Variants in WDR31 observed in about 807,000 individuals in gnomAD.
WDR31 encodes WD repeat domain 31.
In WDR31, 30 loss-of-function variants were observed where a neutral mutation model predicts 47.3. The ratio of observed to expected loss-of-function variants is 0.63; its 90% CI spans 0.47 to 0.86. The LOEUF is 0.86. Among genes scored for constraint, WDR31 ranks in the 40% least tolerant of loss-of-function variants. The pLI is 0.00. For missense variants in WDR31, 406 were observed against 442.9 expected (o/e 0.92, Z 0.75); for synonymous variants, 137 against 159.4 (o/e 0.86, Z 1.06).
At chr9:113,322,722 T>G (rs533563491) in intron 7 of WDR31, 89 bp downstream of exon 7, 2 of 1,348,778 alleles carry the variant, frequency 1.5e-6, no homozygotes, top group South Asian at 2.7e-5. Context: ...TAATTTCTGC[T>G]CATGGGCCTC....
chr9:113,318,880 T>C lies in WDR31; in HGVS notation c.781-243A>G, dbSNP rs1488581631. ...AACAACCCTGGTTAAGAATGTGTCA[T>C]ATGAGTTTTTGCCTTTTTAGTGGTT... On this transcript the variant is annotated intron_variant, in intron 9 of 10. Coordinates refer to ENST00000374193, the MANE Select transcript of WDR31 (RefSeq NM_001012361.4). Among the ~76,000 whole-genome samples the C allele has an allele frequency of 3.9e-5, 6 of 152,326 alleles. No homozygotes were observed. In the South Asian group the frequency reaches 6.2e-4, roughly 16 times the overall value.
chr9:113,331,020 C>G lies in WDR31; in HGVS notation c.213G>C (p.Leu71Phe). The change falls in exon 4 of 11, where the codon TTG becomes TTC. Residue 71 changes from leucine (L) to phenylalanine (F), a missense_variant. By Grantham distance (22) the Leu-to-Phe change is conservative. Coordinates refer to ENST00000374193, the MANE Select transcript of WDR31 (RefSeq NM_001012361.4). ...HMDTVSVVAA[L>F]NSDLCVSGGK... The stretch of plus-strand genomic sequence containing the variant: ...CTCCAGAGACACAAAGGTCTGAGTT[C>G]AAAGCAGCCACGACAGAGACGGTAT... 1 of 1,612,104 alleles carries G rather than the reference C, an allele frequency of 6.2e-7. No individual in the cohort carries two copies. Among genetic ancestry groups the G allele is most frequent in the Non-Finnish European group, 8.5e-7 (1 of 1,178,488 alleles).
chr9:113,333,470 C>T lies in WDR31; in HGVS notation c.-28-1420G>A, dbSNP rs577974206. Among the ~76,000 whole-genome samples the T allele has an allele frequency of 5.8e-3, 864 of 149,448 alleles. 9 individuals carry two copies. Among genetic ancestry groups the T allele is most frequent in the African/African-American group, 0.019 (771 of 40,812 alleles). ...AATCTCGGCTCACTGCAAGCTCCGC[C>T]TCCCAGGTTCACGCCATTCTCCTGC... On this transcript the variant is annotated intron_variant, in intron 2 of 10. Transcript: ENST00000374193.
intron 5 of WDR31, among the ~76,000 whole-genome samples, chr9:113,325,463 T>C (rs10981733): frequency 0.17 from 25,714 of 152,026 alleles, 2,994 homozygotes; most frequent in African/African-American, 0.33. Flanking sequence ...GTATATTTGT[T>C]TTTAGAGTTA....
At chr9:113,329,648 G>C (rs1207161411) in intron 4 of WDR31, among the ~76,000 whole-genome samples, 1 of 151,376 alleles carries the variant, frequency 6.6e-6, no homozygotes, top group Non-Finnish European at 1.5e-5. Context: ...ATACTTCGAT[G>C]CATCCTGATT....
rs943516252 is a variant in WDR31, at chr9:113,314,898, G to C, written c.*1851C>G. 1 of 152,284 alleles carries C rather than the reference G, an allele frequency of 6.6e-6. No homozygotes were observed. The highest frequency in any genetic ancestry group is 1.9e-4 in the East Asian group (1 of 5,164). 9.4% of individuals were successfully genotyped at this position (152,284 alleles called of 1,614,324 possible). On this transcript the variant is annotated 3_prime_UTR_variant, in exon 11 of 11. Coordinates refer to ENST00000374193, the MANE Select transcript of WDR31 (RefSeq NM_001012361.4). ...CCCAAAGTGCTGGGATTACAGGTTT[G>C]AGCCACTGCGCCTGGCCTTTCCTGG... is the stretch of plus-strand genomic sequence containing the variant.
chr9:113,320,340 C>T lies in WDR31; in HGVS notation c.780+17G>A. ...TTCATCAGCAACCAGATACCTGGAC[C>T]TCACACAGTCTCCTACCGTGGCTTC... On this transcript the variant is annotated intron_variant, in intron 9 of 10. Transcript: ENST00000374193. 3 of 1,613,096 alleles carry T rather than the reference C, an allele frequency of 1.9e-6. No individual in the cohort carries two copies. The highest frequency in any genetic ancestry group is 1.3e-5 in the African/African-American group (1 of 75,046).
intron 10 of WDR31, 52 bp downstream of exon 10, chr9:113,318,423 G>A: frequency 1.2e-6 from 2 of 1,606,322 alleles, no homozygotes; most frequent in Non-Finnish European, 8.5e-7. Context: ...TTTTAAAGAA[G>A]GTTTTAGGAC....
At chr9:113,332,382 T>A (rs1833617798) in intron 2 of WDR31, among the ~76,000 whole-genome samples, 1 of 152,036 alleles carries the variant, frequency 6.6e-6, no homozygotes, top group South Asian at 2.1e-4. Context: ...AGCCAAAAAG[T>A]GAAAACAACT....
At position 113,323,418 on chromosome 9, in the gene WDR31, C is replaced by T. The variant is rs985215829; in HGVS notation, c.325-263G>A. 7.9e-5 allele frequency among the ~76,000 whole-genome samples: 12 copies of T among 152,130 alleles called. No homozygotes were observed. The South Asian group carries it at 8.3e-4, about 11-fold the overall frequency. On this transcript the variant is annotated intron_variant, in intron 5 of 10. Transcript: ENST00000374193. ...CTGGGATTACAGGCACCAGCCACCA[C>T]GCCCAGCTAATTTTTGCATTTTTAG...
intron 4 of WDR31, 21 bp downstream of exon 4, chr9:113,330,963 G>T: frequency 6.4e-7 from 1 of 1,564,894 alleles, no homozygotes; most frequent in Non-Finnish European, 8.7e-7. Context: ...TTCATTTCCC[G>T]GGAAACACTG....
intron 5 of WDR31, among the ~76,000 whole-genome samples, chr9:113,324,863 TG>T: frequency 6.7e-6 from 1 of 149,778 alleles, no homozygotes; most frequent in African/African-American, 2.5e-5. Flanking sequence ...TGTGTGTGTG[TG>T]TGTGTGTGTA....
rs1346507666 is a variant in WDR31 at position 113,316,825 on chromosome 9, C to T, written c.1028G>A (p.Ser343Asn). The T allele has an allele frequency of 1.2e-6, 2 of 1,614,048 alleles. No homozygotes were observed. The highest frequency in any genetic ancestry group is 8.5e-7 in the Non-Finnish European group (1 of 1,180,042). ...GAGTAAGTGAATTCCTCTGTTAAAA[C>T]TTGCACACAATAAGGAGATGGCGTC... is the stretch of plus-strand genomic sequence containing the variant. ...VGDAISLLCA[S>N]FNRGIHLLRM... is the part of the protein sequence containing the mutation. The change falls in exon 11 of 11, where the codon AGT becomes AAT. Residue 343 changes from serine (S) to asparagine (N), a missense_variant. Ser to Asn is a conservative substitution (Grantham distance 46). Coordinates refer to ENST00000374193, the MANE Select transcript of WDR31 (RefSeq NM_001012361.4).
intron 5 of WDR31, among the ~76,000 whole-genome samples, chr9:113,324,828 ATGTGTGTG>A (rs57088850): frequency 0.037 from 5,152 of 138,130 alleles, 179 homozygotes; most frequent in African/African-American, 0.082. Flanking sequence ...ATATATATAT[ATGTGTGTG>A]TGTGTGTGTG....
chr9:113,329,163 T>C (rs1382872525), intron 4 of WDR31, among the ~76,000 whole-genome samples: 1 of 152,242 alleles, frequency 6.6e-6, no homozygotes, highest in East Asian at 1.9e-4. Flanking sequence ...GGTTGTTCTC[T>C]GTCTCCCTCC....
chr9:113,319,846 CA>C (rs1833286033), intron 9 of WDR31, among the ~76,000 whole-genome samples: 1 of 152,218 alleles, frequency 6.6e-6, no homozygotes, highest in South Asian at 2.1e-4. Flanking sequence ...GTAGAGACAT[CA>C]GCAGGCTGGT....
intron 5 of WDR31, among the ~76,000 whole-genome samples, chr9:113,324,949 T>A (rs1206047250): frequency 1.3e-5 from 2 of 152,028 alleles, no homozygotes; most frequent in Non-Finnish European, 2.9e-5. Context: ...ATGTCTTATT[T>A]TTTATTTATT....
chr9:113,319,431 C>T (rs1486333903), intron 9 of WDR31, among the ~76,000 whole-genome samples: 1 of 152,154 alleles, frequency 6.6e-6, no homozygotes, highest in Non-Finnish European at 1.5e-5. Flanking sequence ...CTTGCCATGC[C>T]TCTATTTCCT....
intron 4 of WDR31, 108 bp downstream of exon 4, chr9:113,330,876 T>G: frequency 7.9e-7 from 1 of 1,272,254 alleles, no homozygotes; most frequent in Non-Finnish European, 1.1e-6. Context: ...GCCAATATTT[T>G]TACACTTGTC....
Sources: gnomAD v4.1 joint callset for allele counts (sites outside exome capture counted in the v4.1 genomes callset) on GRCh38, gnomAD v4.1.1 for gene constraint, MANE v1.5 for transcripts, NCBI Gene and HGNC (gene_info 2026-07-23, HGNC 2026-07-21) for gene names.